The following DNAH10 variants were observed in gnomAD, a reference collection of about 807,000 sequenced individuals.
The protein encoded by DNAH10 is dynein axonemal heavy chain 10, also known as axonemal beta dynein heavy chain 10.
In DNAH10, 348 loss-of-function variants were observed where a neutral mutation model predicts 506.6. The observed-to-expected ratio is 0.69, with a 90% CI of 0.63 to 0.75. DNAH10 has a LOEUF of 0.75. Ranked by LOEUF, DNAH10 falls within the 30% of genes least tolerant of loss-of-function variation. The pLI, the probability that DNAH10 is intolerant of heterozygous loss-of-function variation, is 0.00. For synonymous variants in DNAH10, 2,059 were observed against 2,198.6 expected (o/e 0.94, Z 1.78); for missense variants, 5,179 against 5,787.1 (o/e 0.89, Z 3.41).
rs140426512 is a variant in DNAH10, at chr12:123,919,498, T to C, written c.11506+549T>C. 2.6e-3 allele frequency among the ~76,000 whole-genome samples: 401 copies of C among 152,328 alleles called. 1 individual carries two copies. The highest frequency in any genetic ancestry group is 9.3e-3 in the African/African-American group (385 of 41,568). On this transcript the variant is annotated intron_variant, in intron 65 of 78. Transcript: ENST00000673944. This position sits in a 1 kb window ranked among gnomAD's most constrained non-coding sequence, Gnocchi z 4.9. ...ACCATAAATTCGTCCTTTAAAAATATACCATTCGGTGGTGATTCATAGCAT... is the reference window on the plus strand; with the variant it reads ...ACCATAAATTCGTCCTTTAAAAATACACCATTCGGTGGTGATTCATAGCAT...
rs991454630 is a variant in DNAH10 at position 123,810,199 on chromosome 12, A to C, written c.3144+1246A>C. On this transcript the variant is annotated intron_variant, in intron 19 of 78. Transcript: ENST00000673944. ...TGAACATCTGCTGGCAGAAAACCCA[A>C]GGTTTATGTCTTACCCCAAATTGGA... 8.5e-5 allele frequency among the ~76,000 whole-genome samples: 13 copies of C among 152,292 alleles called. No individual in the cohort carries two copies. In the East Asian group the frequency reaches 2.5e-3, roughly 29 times the overall value.
chr12:123,765,011 G>A (rs904902928), intron 1 of DNAH10, among the ~76,000 whole-genome samples: 43 of 152,018 alleles, frequency 2.8e-4, no homozygotes, highest in Non-Finnish European at 5.0e-4. Flanking sequence ...GATTATTTTT[G>A]GGGGACAGGT....
intron 19 of DNAH10, 102 bp from the exon 20 acceptor site, chr12:123,813,062 T>A: frequency 2.6e-6 from 2 of 780,168 alleles, no homozygotes; most frequent in Non-Finnish European, 4.0e-6. Flanking sequence ...AATAAAGTGA[T>A]TTTCCATTAC....
intron 8 of DNAH10, among the ~76,000 whole-genome samples, chr12:123,784,572 T>C (rs913428950): frequency 1.3e-5 from 2 of 152,184 alleles, no homozygotes; most frequent in African/African-American, 4.8e-5. Context: ...ATTTAAAAAA[T>C]TGTGATAAAA....
chr12:123,833,449 G>A, intron 27 of DNAH10, 102 bp downstream of exon 27: 1 of 901,000 alleles, frequency 1.1e-6, no homozygotes, highest in Non-Finnish European at 1.7e-6. Context: ...AGGATATTTT[G>A]TGCTTAGAAA....
chr12:123,910,648 A>G lies in DNAH10; in HGVS notation c.10110A>G (p.Arg3370=). The G allele has an allele frequency of 6.2e-7, 1 of 1,611,428 alleles. No homozygotes were observed. Among genetic ancestry groups the G allele is most frequent in the Non-Finnish European group, 8.5e-7 (1 of 1,179,788 alleles). ...TAATGGGCTACTGTGATGTTTTCAG[A>G]GAAATCAAGCCCAAAAGAGAGAAGG... The part of the protein sequence containing the change: ...EAVMGYCDVF[R]EIKPKREKVA... The change falls in exon 59 of 79, where the codon AGA becomes AGG. Residue 3370 remains arginine (R), a synonymous_variant. Transcript: ENST00000673944.
chr12:123,897,718 C>T, intron 54 of DNAH10, 52 bp from the exon 55 acceptor site: 1 of 1,582,656 alleles, frequency 6.3e-7, no homozygotes, highest in South Asian at 1.2e-5. Flanking sequence ...GAGTGAGACC[C>T]TGTGTCGAAA....
intron 26 of DNAH10, among the ~76,000 whole-genome samples, chr12:123,832,561 A>C (rs1367733064): frequency 6.6e-6 from 1 of 151,690 alleles, no homozygotes; most frequent in Non-Finnish European, 1.5e-5. Context: ...AAGGCTGGTC[A>C]TGAACTCCTG....
chr12:123,838,487 T>C lies in DNAH10; in HGVS notation c.4934T>C (p.Ile1645Thr). ...IMGETLKDPV[I>T]KRCCEAPNRL... ...GGTGAGACCTTAAAAGACCCCGTGA[T>C]CAAGAGGTGCTGTGAAGCCCCAAAC... Residue 1645 changes from isoleucine (I) to threonine (T), a missense_variant, in exon 29 of 79, where the codon ATC (isoleucine) becomes ACC (threonine). Physicochemically the swap from Ile to Thr is moderately conservative, Grantham distance 89 (BLOSUM62 -1). Transcript: ENST00000673944. The C allele has an allele frequency of 6.2e-7, 1 of 1,613,940 alleles. No homozygotes were observed. The highest frequency in any genetic ancestry group is 8.5e-7 in the Non-Finnish European group (1 of 1,179,882).
At chr12:123,789,010 G>A (rs1025226980) in intron 10 of DNAH10, among the ~76,000 whole-genome samples, 3 of 152,266 alleles carry the variant, frequency 2.0e-5, no homozygotes, top group East Asian at 1.9e-4. Context: ...AGCACTTTGG[G>A]AGGCCAAGGT....
intron 38 of DNAH10, 109 bp from the exon 39 acceptor site, chr12:123,860,903 C>A (rs2136861351): frequency 6.8e-7 from 1 of 1,476,178 alleles, no homozygotes; most frequent in Non-Finnish European, 9.4e-7. Context: ...GTTGCATTTT[C>A]AATTTTGGAT....
rs907325009 is a variant in DNAH10, at chr12:123,898,654, T to A, written c.9480T>A (p.Ala3160=). 6.4e-7 allele frequency: 1 copy of A among 1,559,342 alleles called. No individual in the cohort carries two copies. Among genetic ancestry groups the A allele is most frequent in the Admixed American group, 1.9e-5 (1 of 51,536 alleles). ...LLDEKTQCNI[A]QCKRLDGGLD... ...AACATAGGTGCCCTCTTTCCTCAGC[T>A]CAGTGCAAGCGTCTGGATGGGGGAC... Residue 3160 remains alanine (A), a splice_region_variant and synonymous_variant, in exon 56 of 79, where the codon GCT becomes GCA. Coordinates refer to ENST00000673944, the MANE Select transcript of DNAH10 (RefSeq NM_001372106.1).
chr12:123,809,079 C>A, intron 19 of DNAH10, 126 bp downstream of exon 19: 1 of 1,137,934 alleles, frequency 8.8e-7, no homozygotes, highest in Non-Finnish European at 1.3e-6. Flanking sequence ...TGCCTTGTGA[C>A]TCAGTCATCC....
At chr12:123,814,030 G>A in intron 21 of DNAH10, 118 bp downstream of exon 21, 2 of 921,240 alleles carry the variant, frequency 2.2e-6, no homozygotes, top group Non-Finnish European at 3.1e-6. Flanking sequence ...GTGACTTTAA[G>A]TAATACATTG....
At chr12:123,774,361 C>A in intron 5 of DNAH10, 97 bp downstream of exon 5, 2 of 948,810 alleles carry the variant, frequency 2.1e-6, no homozygotes, top group Non-Finnish European at 1.6e-6. Flanking sequence ...TCTTCTGTCT[C>A]AGGTGCTGTT....
At chr12:123,930,029 G>C in intron 72 of DNAH10, 1 of 565,384 alleles carries the variant, frequency 1.8e-6, no homozygotes, top group Non-Finnish European at 3.1e-6. Flanking sequence ...TGTATACAGA[G>C]CTCACAGGAA....
chr12:123,874,083 T>C (rs1401603251), intron 46 of DNAH10, among the ~76,000 whole-genome samples: 1 of 152,186 alleles, frequency 6.6e-6, no homozygotes, highest in Non-Finnish European at 1.5e-5. Context: ...TCCCAAGAAT[T>C]CCGCTGGACT....
At chr12:123,786,124 G>C (rs924704032) in intron 9 of DNAH10, among the ~76,000 whole-genome samples, 188 bp downstream of exon 9, 1 of 152,030 alleles carries the variant, frequency 6.6e-6, no homozygotes, top group East Asian at 1.9e-4. Context: ...GGCCGAGGTG[G>C]CGGATTGCTT....
chr12:123,764,945 C>G (rs1471697934), intron 1 of DNAH10, among the ~76,000 whole-genome samples: 2 of 152,100 alleles, frequency 1.3e-5, no homozygotes, highest in Non-Finnish European at 1.5e-5. Flanking sequence ...CACGTTGTCA[C>G]TCACTCTCTG....
Sources: allele counts gnomAD v4.1 joint callset (sites outside exome capture counted in the v4.1 genomes callset), GRCh38; gene constraint gnomAD v4.1.1; non-coding constraint Gnocchi (gnomAD v3.1); transcripts MANE v1.5; gene names NCBI Gene and HGNC (gene_info 2026-07-23, HGNC 2026-07-21).